The following DAB1 variants were observed in gnomAD, a reference collection of about 807,000 sequenced individuals.
DAB1 encodes disabled homolog 1.
DAB1 carries 15 observed loss-of-function variants against 64.6 expected under a neutral mutation model. That is an observed-to-expected ratio of 0.23 (90% confidence interval 0.16 to 0.36). The LOEUF is 0.36. Ranked by LOEUF, DAB1 falls within the 10% of genes least tolerant of loss-of-function variation. The pLI, the probability that DAB1 is intolerant of heterozygous loss-of-function variation, is 1.00. For missense variants in DAB1, 596 were observed against 706.7 expected, an observed-to-expected ratio of 0.84 and a Z score of 1.78; for synonymous variants, 235 against 251.9, an observed-to-expected ratio of 0.93 and a Z score of 0.64.
intron 3 of DAB1, among the ~76,000 whole-genome samples, chr1:58,409,300 C>T (rs1394640337): frequency 6.6e-6 from 1 of 152,132 alleles, no homozygotes; most frequent in Non-Finnish European, 1.5e-5. Context: ...GAAAATTGAA[C>T]CTCATACAGG....
At chr1:57,798,516 G>A (rs374798534) in intron 6 of DAB1, among the ~76,000 whole-genome samples, 4 of 152,174 alleles carry the variant, frequency 2.6e-5, no homozygotes, top group East Asian at 3.9e-4. Context: ...CCAACTACGT[G>A]CTGATTCAGG....
At chr1:58,050,254 GT>G (rs1264193593) in intron 5 of DAB1, among the ~76,000 whole-genome samples, 1 of 152,158 alleles carries the variant, frequency 6.6e-6, no homozygotes, top group Admixed American at 6.5e-5. Context: ...GCCTATAAGA[GT>G]TTGGTACTAT....
chr1:57,822,983 A>ATTT (rs71246208), downstream of DAB1, among the ~76,000 whole-genome samples: 19 of 131,278 alleles, frequency 1.4e-4, no homozygotes, highest in Non-Finnish European at 2.2e-4. Context: ...TAATTTAGGA[A>ATTT]TTTTTTTTTT....
intron 3 of DAB1, among the ~76,000 whole-genome samples, chr1:58,459,029 T>G (rs960396250): frequency 1.1e-4 from 17 of 152,186 alleles, no homozygotes; most frequent in African/African-American, 3.9e-4. Flanking sequence ...TAATGCATGG[T>G]AGCTGTTGTT....
At chr1:57,802,544 C>T (rs1238696169) in intron 6 of DAB1, among the ~76,000 whole-genome samples, 3 of 152,136 alleles carry the variant, frequency 2.0e-5, no homozygotes, top group Non-Finnish European at 4.4e-5. Flanking sequence ...TGTGTCCCTG[C>T]CCAAATCCAG....
chr1:57,632,090 C>T (rs949452696), intron 7 of DAB1, among the ~76,000 whole-genome samples: 2 of 152,082 alleles, frequency 1.3e-5, no homozygotes, highest in Non-Finnish European at 2.9e-5. Context: ...TTTAGGGAGG[C>T]CAGGGACCTG....
chr1:58,010,951 A>G (rs1446972539), intron 5 of DAB1, among the ~76,000 whole-genome samples: 1 of 152,242 alleles, frequency 6.6e-6, no homozygotes, highest in African/African-American at 2.4e-5. Flanking sequence ...ATTTTCTTAT[A>G]AATTTCTTTC....
intron 5 of DAB1, among the ~76,000 whole-genome samples, chr1:58,091,431 TTAA>T (rs1437882581): frequency 3.3e-5 from 5 of 152,204 alleles, no homozygotes; most frequent in African/African-American, 7.2e-5. Flanking sequence ...CATTAAATAA[TTAA>T]TAATAACATG....
chr1:57,552,945 T>C (rs1318704849), intron 7 of DAB1, among the ~76,000 whole-genome samples: 2 of 151,992 alleles, frequency 1.3e-5, no homozygotes, highest in Admixed American at 6.6e-5. Context: ...TTGGGATATA[T>C]TAAGGGGCCG....
At chr1:58,473,978 G>A in intron 3 of DAB1, 1 of 1,264,840 alleles carries the variant, frequency 7.9e-7, no homozygotes, top group Middle Eastern at 2.2e-4. Flanking sequence ...GCTGTCACAT[G>A]CACGTAAATA....
chr1:58,239,338 T>G (rs1337299190), intron 4 of DAB1, among the ~76,000 whole-genome samples: 2 of 152,232 alleles, frequency 1.3e-5, no homozygotes, highest in Non-Finnish European at 2.9e-5. Flanking sequence ...CACGTTTTCA[T>G]GTTTATCAAA....
At chr1:57,093,773 G>A (rs943511879) in intron 4 of DAB1, among the ~76,000 whole-genome samples, 2 of 152,086 alleles carry the variant, frequency 1.3e-5, no homozygotes, top group African/African-American at 2.4e-5. Flanking sequence ...ACCTCTGTAC[G>A]TATCTAGAAG....
intron 4 of DAB1, among the ~76,000 whole-genome samples, chr1:57,100,441 G>A (rs1166958608): frequency 2.0e-5 from 3 of 152,144 alleles, no homozygotes; most frequent in Non-Finnish European, 4.4e-5. Flanking sequence ...TCTAGGCACT[G>A]GTTAATACCC....
intron 4 of DAB1, among the ~76,000 whole-genome samples, chr1:58,197,521 G>A (rs1557691744): frequency 2.6e-5 from 4 of 151,328 alleles, no homozygotes; most frequent in African/African-American, 9.7e-5. Flanking sequence ...CCTCCCGAGT[G>A]GCTGGGGCTA....
chr1:57,175,939 T>A (rs1454899362), intron 2 of DAB1, among the ~76,000 whole-genome samples: 1 of 152,188 alleles, frequency 6.6e-6, no homozygotes, highest in South Asian at 2.1e-4. Flanking sequence ...CATTATAGCA[T>A]AGCAGTTTAT....
chr1:58,456,368 G>T (rs1363000292), intron 3 of DAB1, among the ~76,000 whole-genome samples: 1 of 152,190 alleles, frequency 6.6e-6, no homozygotes, highest in Non-Finnish European at 1.5e-5. Flanking sequence ...GATTTGTCTG[G>T]GGGGAGGGTG....
At chr1:57,867,136 T>C (rs941915785) in intron 1 of DAB1, 3 of 152,102 alleles carry the variant, frequency 2.0e-5, no homozygotes, top group African/African-American at 7.2e-5. Flanking sequence ...TGAAGTGAGA[T>C]GGATGGAGCT....
chr1:57,809,572 TCGGTAATCCGAG>T (rs1651519901), intron 6 of DAB1, among the ~76,000 whole-genome samples: 1 of 152,234 alleles, frequency 6.6e-6, no homozygotes. Context: ...TTTAGGGTTC[TCGGTAATCCGAG>T]AAACCTGTCA....
At chr1:57,581,447 C>T (rs1025509260) in intron 7 of DAB1, among the ~76,000 whole-genome samples, 1 of 152,042 alleles carries the variant, frequency 6.6e-6, no homozygotes, top group Non-Finnish European at 1.5e-5. Context: ...GGTGAAGACT[C>T]TCCTTTAGTC....
Sources: allele counts gnomAD v4.1 joint callset (sites outside exome capture counted in the v4.1 genomes callset), GRCh38; gene constraint gnomAD v4.1.1; transcripts MANE v1.5; gene names NCBI Gene and HGNC (gene_info 2026-07-23, HGNC 2026-07-21).